Variants in GNAI1 observed in about 807,000 individuals in gnomAD.
GNAI1 encodes guanine nucleotide-binding protein G(i) subunit alpha-1.
In GNAI1, 11 loss-of-function variants were observed where a neutral mutation model predicts 38.9. That is an observed-to-expected ratio of 0.28 (90% CI 0.18 to 0.47). The LOEUF is 0.47. GNAI1 is among the 20% of genes least tolerant of loss of function. The pLI, the probability that GNAI1 is intolerant of heterozygous loss-of-function variation, is 0.99. For synonymous variants in GNAI1, 166 were observed against 145.1 expected, an observed-to-expected ratio of 1.14 and a Z score of -1.04; for missense variants, 317 against 436.9, an observed-to-expected ratio of 0.73 and a Z score of 2.45.
At chr7:80,177,151 C>G (rs1305873981) in intron 1 of GNAI1, among the ~76,000 whole-genome samples, 1 of 150,152 alleles carries the variant, frequency 6.7e-6, no homozygotes, top group Non-Finnish European at 1.5e-5. Flanking sequence ...CTGCCTCTGC[C>G]TCCCGAGTAG....
chr7:80,152,558 CTTTTTTTTT>C (rs35141470), intron 1 of GNAI1, among the ~76,000 whole-genome samples: 9 of 103,014 alleles, frequency 8.7e-5, no homozygotes, highest in Admixed American at 5.6e-4. Context: ...GGTCTCAATT[CTTTTTTTTT>C]TTTTTTTTTT....
At chr7:80,157,356 C>T (rs959197568) in intron 1 of GNAI1, among the ~76,000 whole-genome samples, 1 of 152,188 alleles carries the variant, frequency 6.6e-6, no homozygotes, top group East Asian at 1.9e-4. Flanking sequence ...TACTGAATGA[C>T]ATCTTAGTTT....
intron 1 of GNAI1, among the ~76,000 whole-genome samples, chr7:80,156,073 C>T (rs189353062): frequency 1.4e-5 from 2 of 144,132 alleles, no homozygotes; most frequent in Non-Finnish European, 3.1e-5. Flanking sequence ...AGAAAGAAAG[C>T]AAGCTGATGT....
chr7:80,177,560 C>A (rs1283138342), intron 1 of GNAI1, among the ~76,000 whole-genome samples: 1 of 152,190 alleles, frequency 6.6e-6, no homozygotes, highest in Non-Finnish European at 1.5e-5. Context: ...TAGTTTACTG[C>A]AGCCTTTGAC....
chr7:80,139,348 G>C (rs1787483138), intron 1 of GNAI1, among the ~76,000 whole-genome samples: 2 of 152,002 alleles, frequency 1.3e-5, no homozygotes, highest in Non-Finnish European at 2.9e-5. Context: ...AGAAACCTTT[G>C]TTGACTTTTC....
At chr7:80,183,351 A>G (rs1450110892) in intron 1 of GNAI1, among the ~76,000 whole-genome samples, 4 of 152,210 alleles carry the variant, frequency 2.6e-5, no homozygotes, top group African/African-American at 9.6e-5. Flanking sequence ...CAGTAGCATT[A>G]TAATAAAGAG....
At chr7:80,137,971 C>T (rs986099778) in intron 1 of GNAI1, among the ~76,000 whole-genome samples, 1 of 152,116 alleles carries the variant, frequency 6.6e-6, no homozygotes, top group Admixed American at 6.6e-5. Flanking sequence ...TTTTTTGAAT[C>T]CTTAAAGCAT....
intron 3 of GNAI1, among the ~76,000 whole-genome samples, chr7:80,195,709 T>G (rs1355465726): frequency 2.6e-5 from 4 of 152,036 alleles, no homozygotes; most frequent in Non-Finnish European, 5.9e-5. Flanking sequence ...TAGAAGGGCT[T>G]GCAGATCTTT....
At position 80,203,593 on chromosome 7, in the gene GNAI1, T is replaced by A; in HGVS notation, c.462-111T>A. On this transcript the variant is annotated intron_variant, in intron 4 of 7. Transcript: ENST00000649796. ...TCTTTACACACAAATTTAAAAACTT[T>A]TAGTGATTTCAGATTATCGCTTGTA... 4.6e-6 allele frequency: 3 copies of A among 658,064 alleles called. No individual in the cohort carries two copies. The South Asian group carries it at 5.6e-5, about 12-fold the overall frequency. 40.8% of individuals were successfully genotyped at this position (658,064 alleles called of 1,614,324 possible). A position where few individuals can be genotyped will look rare whatever the true frequency, so the allele number is the denominator to read the frequency against.
chr7:80,212,928 C>T, intron 7 of GNAI1, 59 bp downstream of exon 7: 2 of 1,110,128 alleles, frequency 1.8e-6, no homozygotes, highest in Admixed American at 2.6e-5. Flanking sequence ...GAAACTTCCC[C>T]TAAGGCAAGA....
At chr7:80,154,435 C>CT (rs1351197993) in intron 1 of GNAI1, among the ~76,000 whole-genome samples, 21 of 152,240 alleles carry the variant, frequency 1.4e-4, no homozygotes, top group African/African-American at 4.8e-4. Flanking sequence ...AGAAATAAAG[C>CT]TGTAATCTTC....
intron 1 of GNAI1, 89 bp downstream of exon 1, chr7:80,135,367 G>T (rs2116052738): frequency 2.7e-6 from 2 of 734,160 alleles, no homozygotes; most frequent in Non-Finnish European, 3.9e-6. Flanking sequence ...CCGGAGGGAA[G>T]GGGGAGGAAG....
At chr7:80,185,761 G>C (rs1788375772) in intron 1 of GNAI1, among the ~76,000 whole-genome samples, 1 of 152,076 alleles carries the variant, frequency 6.6e-6, no homozygotes, top group Admixed American at 6.6e-5. Context: ...GAGATTTGTA[G>C]AGAACAACTA....
At chr7:80,178,305 A>G (rs1788227379) in intron 1 of GNAI1, among the ~76,000 whole-genome samples, 1 of 152,252 alleles carries the variant, frequency 6.6e-6, no homozygotes. Flanking sequence ...AGAATCTTAA[A>G]TAAACTTAGT....
intron 1 of GNAI1, among the ~76,000 whole-genome samples, chr7:80,179,768 A>C (rs948656926): frequency 6.6e-6 from 1 of 152,188 alleles, no homozygotes; most frequent in Non-Finnish European, 1.5e-5. Flanking sequence ...TGATTTACCC[A>C]GTCCATAAGG....
At chr7:80,210,452 C>T (rs558537955) in intron 5 of GNAI1, among the ~76,000 whole-genome samples, 1 of 152,170 alleles carries the variant, frequency 6.6e-6, no homozygotes, top group South Asian at 2.1e-4. Context: ...ATTTTCTTAC[C>T]TGAAATGGTT....
intron 1 of GNAI1, among the ~76,000 whole-genome samples, chr7:80,150,850 A>G (rs1787711985): frequency 6.6e-6 from 1 of 152,132 alleles, no homozygotes; most frequent in African/African-American, 2.4e-5. Flanking sequence ...TCCATCCATC[A>G]TCCGCCGTTT....
intron 5 of GNAI1, among the ~76,000 whole-genome samples, chr7:80,205,611 T>A (rs1181757911): frequency 6.6e-6 from 1 of 152,088 alleles, no homozygotes; most frequent in Non-Finnish European, 1.5e-5. Context: ...AGATTATGTT[T>A]AGTGGAGTTT....
chr7:80,140,686 A>G (rs966777287), intron 1 of GNAI1, among the ~76,000 whole-genome samples: 16 of 152,228 alleles, frequency 1.1e-4, no homozygotes, highest in African/African-American at 3.1e-4. Flanking sequence ...GGTTTCTGTC[A>G]TAACTTGTTA....
Sources: gnomAD v4.1 joint callset for allele counts (sites outside exome capture counted in the v4.1 genomes callset) on GRCh38, gnomAD v4.1.1 for gene constraint, MANE v1.5 for transcripts, NCBI Gene and HGNC (gene_info 2026-07-23, HGNC 2026-07-21) for gene names.